Variants in MYRIP observed in about 807,000 individuals in gnomAD.
MYRIP encodes the protein myosin VIIA and Rab interacting protein, also known as rab effector MyRIP.
MYRIP carries 49 observed loss-of-function variants against 98.0 expected under a neutral mutation model. That is an observed-to-expected ratio of 0.50 (90% CI 0.40 to 0.63). The LOEUF (loss-of-function observed/expected upper bound fraction) is 0.63, where lower values mean the gene tolerates loss of function less well. Among genes scored for constraint, MYRIP ranks in the 30% least tolerant of loss-of-function variants. The pLI is 0.00. For synonymous variants in MYRIP, 404 were observed against 409.5 expected (o/e 0.99, Z 0.16); for missense variants, 1,004 against 1,058.2 (o/e 0.95, Z 0.71).
chr3:39,905,814 G>A (rs1032944711), intron 2 of MYRIP, among the ~76,000 whole-genome samples: 1 of 152,132 alleles, frequency 6.6e-6, no homozygotes, highest in Non-Finnish European at 1.5e-5. Context: ...AAGTTAGCAG[G>A]TATCTGATTG....
chr3:39,901,570 G>T (rs909621074), intron 2 of MYRIP, among the ~76,000 whole-genome samples: 1 of 152,118 alleles, frequency 6.6e-6, no homozygotes, highest in African/African-American at 2.4e-5. Flanking sequence ...ATAGAAATGA[G>T]GTCATGTGTT....
chr3:40,233,774 G>T, intron 11 of MYRIP, 85 bp from the exon 12 acceptor site: 3 of 1,231,970 alleles, frequency 2.4e-6, no homozygotes, highest in Non-Finnish European at 2.3e-6. Context: ...TCATGATGAT[G>T]AGTGTCATGA....
intron 11 of MYRIP, among the ~76,000 whole-genome samples, chr3:40,216,087 T>C (rs1289166644): frequency 6.6e-6 from 1 of 152,228 alleles, no homozygotes; most frequent in Non-Finnish European, 1.5e-5. Context: ...AATATCTTCC[T>C]CTTTAGGCAA....
At chr3:39,948,110 T>A (rs1944939324) in intron 2 of MYRIP, among the ~76,000 whole-genome samples, 1 of 152,136 alleles carries the variant, frequency 6.6e-6, no homozygotes, top group African/African-American at 2.4e-5. Context: ...ATATAAATTT[T>A]CTGGGGAGAG....
chr3:40,039,475 GCCTAGAAAGTC>G (rs145475665), intron 2 of MYRIP, among the ~76,000 whole-genome samples: 39 of 152,200 alleles, frequency 2.6e-4, no homozygotes, highest in African/African-American at 8.4e-4. Context: ...GTAAGACAAG[GCCTAGAAAGTC>G]CCTTTGGATC....
At chr3:39,890,317 A>G (rs1291563174) in intron 1 of MYRIP, among the ~76,000 whole-genome samples, 1 of 151,974 alleles carries the variant, frequency 6.6e-6, no homozygotes, top group East Asian at 1.9e-4. Flanking sequence ...ATTTTTCCCC[A>G]CAACTTCCCC....
intron 2 of MYRIP, among the ~76,000 whole-genome samples, chr3:39,967,454 A>C (rs1945468325): frequency 6.6e-6 from 1 of 152,180 alleles, no homozygotes; most frequent in Non-Finnish European, 1.5e-5. Context: ...TTCATGGTAC[A>C]TATGTACCAT....
At chr3:40,095,805 C>G (rs965731571) in intron 3 of MYRIP, among the ~76,000 whole-genome samples, 3 of 151,756 alleles carry the variant, frequency 2.0e-5, no homozygotes, top group Non-Finnish European at 4.4e-5. Flanking sequence ...CACATCTTTC[C>G]TACATACTCC....
chr3:39,997,946 T>C (rs1254424456), intron 2 of MYRIP, among the ~76,000 whole-genome samples: 2 of 152,070 alleles, frequency 1.3e-5, no homozygotes, highest in East Asian at 3.9e-4. Context: ...CATAATTATC[T>C]CAATAAATGC....
chr3:40,031,848 T>C (rs1443878530), intron 2 of MYRIP, among the ~76,000 whole-genome samples: 4 of 152,168 alleles, frequency 2.6e-5, no homozygotes, highest in Admixed American at 2.6e-4. Context: ...CCTTTATCAT[T>C]TTTTATTGCG....
chr3:39,857,885 A>G (rs188068550), intron 1 of MYRIP, among the ~76,000 whole-genome samples: 1 of 152,276 alleles, frequency 6.6e-6, no homozygotes, highest in African/African-American at 2.4e-5. Context: ...AACCTGTAGA[A>G]GATACACAGA....
At chr3:39,854,731 C>A (rs1386020325) in intron 1 of MYRIP, among the ~76,000 whole-genome samples, 1 of 152,080 alleles carries the variant, frequency 6.6e-6, no homozygotes, top group Non-Finnish European at 1.5e-5. Flanking sequence ...GTCATATTAC[C>A]AGAATTACTT....
In MYRIP at chr3:40,250,441, A is replaced by G. The variant is rs1422585872; in HGVS notation, c.2370A>G (p.Val790=). 3.7e-6 allele frequency: 6 copies of G among 1,614,232 alleles called. No individual in the cohort carries two copies. Among genetic ancestry groups the G allele is most frequent in the Non-Finnish European group, 5.1e-6 (6 of 1,180,020 alleles). Residue 790 remains valine (V), a splice_region_variant and synonymous_variant, in exon 15 of 17, where the codon GTA becomes GTG. Transcript: ENST00000302541. ...TGCTCATTGTGTTCTGTTTGTAGGTACAAACCATAGATACATCAAGGCAGC... is the reference window on the plus strand; with the variant it reads ...TGCTCATTGTGTTCTGTTTGTAGGTGCAAACCATAGATACATCAAGGCAGC... ...RRRDQKQRTQ[V]QTIDTSRQQR...
At chr3:40,183,920 G>T (rs1385332078) in intron 9 of MYRIP, among the ~76,000 whole-genome samples, 4 of 152,142 alleles carry the variant, frequency 2.6e-5, no homozygotes, top group African/African-American at 9.7e-5. Flanking sequence ...ACAGTGCAAA[G>T]AATCAGAAAA....
chr3:40,143,778 A>AT (rs1461515866), intron 3 of MYRIP, among the ~76,000 whole-genome samples: 9 of 152,178 alleles, frequency 5.9e-5, no homozygotes, highest in Non-Finnish European at 7.4e-5. Flanking sequence ...ACATCTTATC[A>AT]TTTTTGTGTG....
At chr3:39,959,208 A>G (rs140455684) in intron 2 of MYRIP, among the ~76,000 whole-genome samples, 10,302 of 152,192 alleles carry the variant, frequency 0.068, 499 homozygotes, top group East Asian at 0.18. Context: ...ATGCTGCTAT[A>G]AAGACACATG....
chr3:39,855,238 A>G (rs558047862), intron 1 of MYRIP, among the ~76,000 whole-genome samples: 3 of 152,172 alleles, frequency 2.0e-5, no homozygotes, highest in South Asian at 4.2e-4. Context: ...TTCTGTCATG[A>G]TTTGCTGTAA....
intron 3 of MYRIP, among the ~76,000 whole-genome samples, chr3:40,105,806 A>G (rs1949040672): frequency 6.6e-6 from 1 of 152,170 alleles, no homozygotes; most frequent in African/African-American, 2.4e-5. Flanking sequence ...AACCCCTTAT[A>G]AAACCATCAG....
At chr3:39,882,218 G>A (rs1233002417) in intron 1 of MYRIP, among the ~76,000 whole-genome samples, 2 of 151,978 alleles carry the variant, frequency 1.3e-5, no homozygotes, top group African/African-American at 4.8e-5. Flanking sequence ...CATGAAAGGT[G>A]GAAGTGGTTG....
Sources: gnomAD v4.1 joint callset for allele counts (sites outside exome capture counted in the v4.1 genomes callset) on GRCh38, gnomAD v4.1.1 for gene constraint, MANE v1.5 for transcripts, NCBI Gene and HGNC (gene_info 2026-07-23, HGNC 2026-07-21) for gene names.